MUTYH: variants seen among roughly 807,000 people sequenced by gnomAD.
The protein encoded by MUTYH is mutY DNA glycosylase.
Under a neutral mutation model 72.9 loss-of-function variants are expected in MUTYH, and 64 were observed. The ratio of observed to expected loss-of-function variants is 0.88; its 90% confidence interval spans 0.72 to 1.08. MUTYH has a LOEUF of 1.08. Ranked by LOEUF, MUTYH falls within the 50% of genes least tolerant of loss-of-function variation. The pLI is 0.00. For missense variants in MUTYH, 633 were observed against 671.0 expected (o/e 0.94, Z 0.63); for synonymous variants, 234 against 263.1 (o/e 0.89, Z 1.07).
At position 45,334,401 on chromosome 1, in the gene MUTYH, A is replaced by G. The variant is rs1645558169; in HGVS notation, c.105T>C (p.Ser35=). The G allele has an allele frequency of 6.2e-7, 1 of 1,614,136 alleles. No homozygotes were observed. The highest frequency in any genetic ancestry group is 2.2e-5 in the East Asian group (1 of 44,884). The change falls in exon 2 of 16, where the codon TCT becomes TCC. Residue 35 remains serine, a synonymous_variant. Coordinates refer to ENST00000456914, the MANE Select transcript of MUTYH (RefSeq NM_001048174.2). ...AACCTAGTTCCTTACCATCACAGGC[A>G]GAAGGCTTGGCCTGACTGTTGTTCT... ...HAKNNSQAKP[S]ACDGLARQPE...
rs141881277 is a variant in MUTYH at position 45,338,809 on chromosome 1, C to T, written c.-7+1090G>A. Among the ~76,000 whole-genome samples the T allele has an allele frequency of 1.2e-4, 18 of 151,798 alleles. No individual in the cohort carries two copies. In the East Asian group the frequency reaches 3.5e-3, roughly 29 times the overall value. The stretch of plus-strand genomic sequence containing the variant: ...TGTCCCTCACTTTGCTGCTCTGCCA[C>T]TCAGGCTGGAGTGCAATAAGAACAT... On this transcript the variant is annotated intron_variant, in intron 1 of 15. Transcript: ENST00000456914.
upstream of MUTYH, chr1:45,340,215 G>A (rs774530388): frequency 3.7e-6 from 6 of 1,613,794 alleles, no homozygotes; most frequent in Non-Finnish European, 5.1e-6. Context: ...CAAGTCCAGC[G>A]TACCCACAGA....
upstream of MUTYH, chr1:45,340,430 G>A (rs1054783330): frequency 1.3e-6 from 2 of 1,522,440 alleles, no homozygotes; most frequent in Non-Finnish European, 1.8e-6. Context: ...AACTAGCCAC[G>A]AGGAGACTAC....
rs587780744 is a variant in MUTYH at position 45,331,488 on chromosome 1, C to T, written c.1171G>A (p.Ala391Thr). Residue 391 changes from alanine to threonine, a missense_variant, in exon 13 of 16, where the codon GCC becomes ACC. Transcript: ENST00000456914. Reference sequence around the variant, plus strand: ...CAACGCTGTAGTTCCTGCAGCAGGGCCTTGCGCTGAAGCTGCTCTGAGGGC... The same window carrying T: ...CAACGCTGTAGTTCCTGCAGCAGGGTCTTGCGCTGAAGCTGCTCTGAGGGC... ...WEPSEQLQRK[A>T]LLQELQRWAG... The T allele has an allele frequency of 8.7e-5, 141 of 1,614,058 alleles. 1 individual carries two copies. Among genetic ancestry groups the T allele is most frequent in the Non-Finnish European group, 9.8e-5 (116 of 1,180,042 alleles).
At position 45,331,253 on chromosome 1, in the gene MUTYH, C is replaced by T. The variant is rs779701238; in HGVS notation, c.1321G>A (p.Val441Ile). 2.2e-5 allele frequency: 35 copies of T among 1,614,160 alleles called. No homozygotes were observed. The highest frequency in any genetic ancestry group is 2.7e-5 in the Non-Finnish European group (32 of 1,180,022). ...GTCAGCCAGCGAGCACCTGGTGGTA[C>T]GGTGGTCACTGGGGTCTGCCCTTCC... ...ALEGQTPVTT[V>I]PPGARWLTQE... The change falls in exon 14 of 16, where the codon GTA becomes ATA. Residue 441 changes from valine to isoleucine, a missense_variant. By Grantham distance (29) the Val-to-Ile change is conservative. Coordinates refer to ENST00000456914, the MANE Select transcript of MUTYH (RefSeq NM_001048174.2).
chr1:45,331,916 G>A (rs1485113247), intron 11 of MUTYH, 67 bp from the exon 12 acceptor site: 1 of 1,610,552 alleles, frequency 6.2e-7, no homozygotes, highest in East Asian at 2.2e-5. Flanking sequence ...TAGAGAGTGG[G>A]CTTTGGCCGG....
chr1:45,333,171 C>T lies in MUTYH; in HGVS notation c.305-1G>A, dbSNP rs372267274. The T allele has an allele frequency of 8.7e-6, 14 of 1,614,226 alleles. No homozygotes were observed. Among genetic ancestry groups the T allele is most frequent in the Non-Finnish European group, 1.2e-5 (14 of 1,180,034 alleles). On this transcript the variant is annotated splice_acceptor_variant, in intron 4 of 15. Transcript: ENST00000456914. LOFTEE classifies it high-confidence loss of function. ...TGCAGCATGACCTCTGAGACCCACA[C>T]TGGGGGAAAGGGGTTGGCATGAGGA...
chr1:45,329,757 C>T (rs1570323789), intron 15 of MUTYH: 1 of 354,828 alleles, frequency 2.8e-6, no homozygotes, highest in East Asian at 5.6e-5. Flanking sequence ...CTGCTCACAG[C>T]TCCTTGAGCA....
chr1:45,338,751 T>TG lies in MUTYH; in HGVS notation c.-7+1147_-7+1148insC, dbSNP rs10638672. On this transcript the variant is annotated intron_variant, in intron 1 of 15. Transcript: ENST00000456914. ...AAGAGTTTTTTTATTTTTGTTTTTT[T>TG]TTTGTTTGTTTGTTTTGTTTTTAGA... 25 of 54,386 alleles carry TG rather than the reference T, an allele frequency of 4.6e-4. No homozygotes were observed. In the East Asian group the frequency reaches 7.5e-3, roughly 16 times the overall value. The allele number at this position is 54,386 out of a possible 1,614,324, so 3.4% of individuals were successfully genotyped here. A position where few individuals can be genotyped will look rare whatever the true frequency, so the allele number is the denominator to read the frequency against.
In MUTYH at chr1:45,332,396, C is replaced by G. The variant is rs765339120; in HGVS notation, c.699G>C (p.Gln233His). 3 of 1,614,158 alleles carry G rather than the reference C, an allele frequency of 1.9e-6. No homozygotes were observed. Among genetic ancestry groups the G allele is most frequent in the South Asian group, 2.2e-5 (2 of 91,086 alleles). Residue 233 changes from glutamine (Q) to histidine (H), a missense_variant, in exon 9 of 16, where the codon CAG becomes CAC. Transcript: ENST00000456914. ...TTGTTACCCCAACATCCTACCAGAG[C>G]TGCTGGGAAACAAGGGTGCTGCTGG... ...ADPSSTLVSQ[Q>H]LWGLAQQLVD...
chr1:45,340,233 G>C (rs753502884), upstream of MUTYH: 3 of 1,613,852 alleles, frequency 1.9e-6, no homozygotes, highest in South Asian at 3.3e-5. Context: ...AGACGACTCA[G>C]GCGGGAGACG....
upstream of MUTYH, chr1:45,340,385 C>A (rs922331678): frequency 7.7e-6 from 12 of 1,550,444 alleles, no homozygotes; most frequent in African/African-American, 1.4e-5. Flanking sequence ...GTTCTAGAGG[C>A]TCCTCAAGCT....
chr1:45,330,434 C>A (rs2149101536), intron 15 of MUTYH, 82 bp downstream of exon 15: 1 of 1,426,190 alleles, frequency 7.0e-7, no homozygotes, highest in South Asian at 1.2e-5. Context: ...AATGTTCACC[C>A]AGACATTCGT....
Position 45,332,295 on chromosome 1 carries a change from C to T in MUTYH, c.720G>A (p.Gln240=), listed in dbSNP as rs774248808. ...VSQQLWGLAQ[Q]LVDPARPGDF... The stretch of plus-strand genomic sequence containing the variant: ...CTCCTGGCCGGGCTGGGTCCACCAG[C>T]TGCTGGGCTAGACCCCTAAAAGAAG... The change falls in exon 10 of 16, where the codon CAG becomes CAA. Residue 240 remains glutamine (Q), a synonymous_variant. Coordinates refer to ENST00000456914, the MANE Select transcript of MUTYH (RefSeq NM_001048174.2). 3 of 1,614,126 alleles carry T rather than the reference C, an allele frequency of 1.9e-6. No homozygotes were observed. The highest frequency in any genetic ancestry group is 2.5e-6 in the Non-Finnish European group (3 of 1,180,014).
At chr1:45,334,915 G>T (rs896692758) in intron 1 of MUTYH, among the ~76,000 whole-genome samples, 1 of 152,124 alleles carries the variant, frequency 6.6e-6, no homozygotes, top group Non-Finnish European at 1.5e-5. Flanking sequence ...ATGTAGCATG[G>T]TTACACTGAA....
intron 1 of MUTYH, 96 bp from the exon 2 acceptor site, chr1:45,334,607 T>A: frequency 6.5e-7 from 1 of 1,548,222 alleles, no homozygotes; most frequent in East Asian, 2.3e-5. Context: ...CATCCACCAT[T>A]CACATGGGGT....
At chr1:45,339,043 A>G (rs956379495) in intron 1 of MUTYH, among the ~76,000 whole-genome samples, 2 of 152,218 alleles carry the variant, frequency 1.3e-5, no homozygotes, top group African/African-American at 4.8e-5. Flanking sequence ...ATTACAGGCC[A>G]TAAGCCACTG....
intron 15 of MUTYH, 107 bp downstream of exon 15, chr1:45,330,408 GA>G: frequency 8.0e-7 from 1 of 1,253,930 alleles, no homozygotes; most frequent in African/African-American, 1.5e-5. Flanking sequence ...TCCCTCCAGT[GA>G]AGCCTGGAGT....
intron 1 of MUTYH, chr1:45,338,161 TGG>T (rs1470428972): frequency 5.8e-6 from 3 of 514,784 alleles, no homozygotes; most frequent in South Asian, 4.6e-5. Flanking sequence ...CCAGATGAGG[TGG>T]GGAGAGGAGG....
Sources: allele counts gnomAD v4.1 joint callset (sites outside exome capture counted in the v4.1 genomes callset), GRCh38; gene constraint gnomAD v4.1.1; transcripts MANE v1.5; gene names NCBI Gene and HGNC (gene_info 2026-07-23, HGNC 2026-07-21).